The following ROBO2 variants were observed in gnomAD, a reference collection of about 807,000 sequenced individuals.
The protein encoded by ROBO2 is roundabout guidance receptor 2.
In ROBO2, 53 loss-of-function variants were observed where a neutral mutation model predicts 160.8. The ratio of observed to expected loss-of-function variants is 0.33; its 90% CI spans 0.26 to 0.41. The LOEUF is 0.41. ROBO2 is among the 10% of genes least tolerant of loss of function. ROBO2 has a pLI of 1.00. For missense variants in ROBO2, 1,577 were observed against 1,722.4 expected (o/e 0.92, Z 1.49); for synonymous variants, 664 against 611.7 (o/e 1.09, Z -1.26).
At chr3:77,056,057 C>T (rs1251599159) in intron 1 of ROBO2, among the ~76,000 whole-genome samples, 1 of 152,068 alleles carries the variant, frequency 6.6e-6, no homozygotes, top group Admixed American at 6.6e-5. Context: ...AATTTCCTTC[C>T]GTGGGAAAAC....
chr3:76,322,667 G>A (rs1044347719), intron 2 of ROBO2, among the ~76,000 whole-genome samples: 7 of 152,002 alleles, frequency 4.6e-5, no homozygotes, highest in Admixed American at 6.6e-5. Flanking sequence ...CGAAGTTACC[G>A]GAAGTCAGTT....
chr3:76,642,004 G>A (rs2090702281), intron 2 of ROBO2, among the ~76,000 whole-genome samples: 1 of 152,154 alleles, frequency 6.6e-6, no homozygotes, highest in Admixed American at 6.5e-5. Flanking sequence ...ACAGGCATGA[G>A]CCACTGCACT....
At position 76,303,549 on chromosome 3, in the gene ROBO2, G is replaced by A. The variant is rs149402028; in HGVS notation, c.109+365947G>A. 2.2e-3 allele frequency among the ~76,000 whole-genome samples: 341 copies of A among 152,028 alleles called. 2 individuals carry two copies. Among genetic ancestry groups the A allele is most frequent in the African/African-American group, 8.0e-3 (332 of 41,460 alleles). ...TGTTGAATCAAAACCACAGAGTGGT[G>A]TACTAACAAATTTGCCCAGATTATT... is the stretch of plus-strand genomic sequence containing the variant. On this transcript the variant is annotated intron_variant, in intron 2 of 26. Transcript: ENST00000487694.
At chr3:76,878,655 G>T (rs768943023) in intron 2 of ROBO2, among the ~76,000 whole-genome samples, 1 of 151,976 alleles carries the variant, frequency 6.6e-6, no homozygotes, top group Non-Finnish European at 1.5e-5. Context: ...TTCTTTTCTC[G>T]TTTATTCAAT....
chr3:77,011,916 A>T (rs939969704), intron 2 of ROBO2, among the ~76,000 whole-genome samples: 3 of 152,156 alleles, frequency 2.0e-5, no homozygotes, highest in African/African-American at 7.2e-5. Flanking sequence ...ATAAGAAAAG[A>T]GATATGAGGA....
At chr3:76,049,403 A>ATTTTTTTTT (rs1167852972) in intron 2 of ROBO2, among the ~76,000 whole-genome samples, 642 of 53,694 alleles carry the variant, frequency 0.012, 29 homozygotes, top group African/African-American at 0.029. Context: ...ATATATATAT[A>ATTTTTTTTT]TTTTTTTTTT....
At chr3:77,522,511 T>C (rs900873978) in intron 5 of ROBO2, among the ~76,000 whole-genome samples, 15 of 151,244 alleles carry the variant, frequency 9.9e-5, no homozygotes, top group African/African-American at 2.9e-4. Flanking sequence ...AAGTGCTAAT[T>C]ATGCCTTTGA....
At chr3:76,124,382 T>C (rs1349139426) in intron 2 of ROBO2, among the ~76,000 whole-genome samples, 4 of 152,090 alleles carry the variant, frequency 2.6e-5, no homozygotes, top group Admixed American at 1.3e-4. Flanking sequence ...ACTCCTTATA[T>C]GCCCTAAAGT....
At chr3:76,581,080 C>A (rs1013926483) in intron 2 of ROBO2, among the ~76,000 whole-genome samples, 10 of 152,108 alleles carry the variant, frequency 6.6e-5, no homozygotes, top group African/African-American at 1.9e-4. Flanking sequence ...AGGCACTTGA[C>A]AATGTAGTAT....
At chr3:77,144,612 A>G (rs2076977814) in intron 2 of ROBO2, among the ~76,000 whole-genome samples, 1 of 152,242 alleles carries the variant, frequency 6.6e-6, no homozygotes, top group South Asian at 2.1e-4. Context: ...GTAAACTTCA[A>G]ATAAAATATT....
At chr3:76,740,507 T>G (rs1471452432) in intron 2 of ROBO2, among the ~76,000 whole-genome samples, 1 of 152,168 alleles carries the variant, frequency 6.6e-6, no homozygotes, top group Non-Finnish European at 1.5e-5. Flanking sequence ...TTGACCGATG[T>G]GTTGAATTCT....
At chr3:76,478,482 G>A (rs554028233) in intron 2 of ROBO2, among the ~76,000 whole-genome samples, 5 of 151,786 alleles carry the variant, frequency 3.3e-5, no homozygotes, top group East Asian at 1.9e-4. Context: ...CTAGCCATAC[G>A]TAGAAAGCTG....
intron 2 of ROBO2, among the ~76,000 whole-genome samples, chr3:77,017,287 T>G (rs1368968451): frequency 6.6e-6 from 1 of 152,090 alleles, no homozygotes; most frequent in Non-Finnish European, 1.5e-5. Flanking sequence ...TCAAAGGAAA[T>G]GAGTTAAAAA....
intron 2 of ROBO2, among the ~76,000 whole-genome samples, chr3:76,321,786 G>A (rs2072548345): frequency 2.6e-5 from 4 of 152,294 alleles, no homozygotes; most frequent in South Asian, 2.1e-4. Flanking sequence ...AAAGGCCGTT[G>A]TAAGACTTGG....
chr3:77,023,669 A>G (rs1311627939), intron 2 of ROBO2, among the ~76,000 whole-genome samples: 1 of 152,206 alleles, frequency 6.6e-6, no homozygotes, highest in Non-Finnish European at 1.5e-5. Flanking sequence ...GTGAAAAGTA[A>G]GAAACCTAAG....
chr3:77,326,224 A>T (rs1242483098), intron 2 of ROBO2, among the ~76,000 whole-genome samples: 1 of 152,184 alleles, frequency 6.6e-6, no homozygotes, highest in East Asian at 1.9e-4. Context: ...ACTTTAACAC[A>T]GTATTTGAGA....
chr3:76,943,215 A>G (rs1202182673), intron 2 of ROBO2, among the ~76,000 whole-genome samples: 8 of 152,130 alleles, frequency 5.3e-5, no homozygotes. Context: ...TGCTTGTTGA[A>G]AGAGCTACCT....
At chr3:77,196,325 CTTT>C (rs57448784) in intron 2 of ROBO2, among the ~76,000 whole-genome samples, 29,041 of 141,704 alleles carry the variant, frequency 0.2, 3,227 homozygotes, top group Middle Eastern at 0.31. Context: ...AAATACCCTG[CTTT>C]TTTTTTTTTT....
chr3:76,098,329 A>T (rs535039748), intron 2 of ROBO2, among the ~76,000 whole-genome samples: 13 of 152,324 alleles, frequency 8.5e-5, no homozygotes, highest in African/African-American at 3.1e-4. Context: ...TTTCAAAAAT[A>T]CAAATTCATC....
Sources: allele counts gnomAD v4.1 joint callset (sites outside exome capture counted in the v4.1 genomes callset), GRCh38; gene constraint gnomAD v4.1.1; transcripts MANE v1.5; gene names NCBI Gene and HGNC (gene_info 2026-07-23, HGNC 2026-07-21).